WASHC4: variants seen among roughly 807,000 people sequenced by gnomAD.
The protein encoded by WASHC4 is WASH complex subunit 4, also known as WASH complex subunit 7.
In WASHC4, 86 loss-of-function variants were observed where a neutral mutation model predicts 166.6. The observed-to-expected ratio is 0.52, with a 90% CI of 0.43 to 0.62. The LOEUF is 0.62. Among genes scored for constraint, WASHC4 ranks in the 20% least tolerant of loss-of-function variants. The pLI, the probability that WASHC4 is intolerant of heterozygous loss-of-function variation, is 0.00. For missense variants in WASHC4, 1,262 were observed against 1,382.4 expected, an observed-to-expected ratio of 0.91 and a Z score of 1.38; for synonymous variants, 446 against 451.6, an observed-to-expected ratio of 0.99 and a Z score of 0.16.
Position 105,164,243 on chromosome 12 carries a change from G to C in WASHC4, c.3290G>C (p.Ser1097Thr). The C allele has an allele frequency of 6.2e-7, 1 of 1,614,094 alleles. No homozygotes were observed. The highest frequency in any genetic ancestry group is 8.5e-7 in the Non-Finnish European group (1 of 1,179,972). The change falls in exon 31 of 33, where the codon AGT becomes ACT. Residue 1097 changes from serine (S) to threonine (T), a missense_variant. Ser to Thr is a moderately conservative substitution (Grantham distance 58). Coordinates refer to ENST00000332180, the MANE Select transcript of WASHC4 (RefSeq NM_015275.3). ...AAGCAACAGAATGTACAGTCAGCCA[G>C]TCAAGATGAAAAACTCTTACAAACC... The part of the protein sequence containing the change: ...VAKQQNVQSA[S>T]QDEKLLQTMN...
At chr12:105,138,379 T>A (rs1476483181) in intron 15 of WASHC4, among the ~76,000 whole-genome samples, 1 of 151,846 alleles carries the variant, frequency 6.6e-6, no homozygotes, top group Non-Finnish European at 1.5e-5. Flanking sequence ...AAAAAACAGC[T>A]TGTCTACCAT....
At chr12:105,142,053 A>G (rs1182516396) in intron 18 of WASHC4, among the ~76,000 whole-genome samples, 1 of 150,518 alleles carries the variant, frequency 6.6e-6, no homozygotes, top group African/African-American at 2.4e-5. Flanking sequence ...TTTCCAACTT[A>G]GAGTCAGGGA....
intron 22 of WASHC4, among the ~76,000 whole-genome samples, chr12:105,145,946 A>G (rs1883257471): frequency 6.6e-6 from 1 of 152,130 alleles, no homozygotes; most frequent in African/African-American, 2.4e-5. Flanking sequence ...CTGCCTAGCT[A>G]TTTTGCCTCA....
chr12:105,160,014 G>A lies in WASHC4; in HGVS notation c.2926G>A (p.Val976Ile), dbSNP rs375454474. The A allele has an allele frequency of 3.7e-6, 6 of 1,613,864 alleles. No individual in the cohort carries two copies. Residue 976 changes from valine to isoleucine, a missense_variant, in exon 29 of 33, where the codon GTC (valine) becomes ATC (isoleucine). By Grantham distance (29) the Val-to-Ile change is conservative (BLOSUM62 3). Transcript: ENST00000332180. ...TTTGCTTTTTAGGCATTTGGATTCA[G>A]TCCTCAGTGATCACACACGAAATTC... ...TLKAARHLDS[V>I]LSDHTRNSAE...
At chr12:105,126,171 A>G (rs748568943) in intron 11 of WASHC4, 44 bp downstream of exon 11, 2 of 1,612,566 alleles carry the variant, frequency 1.2e-6, no homozygotes, top group Non-Finnish European at 1.7e-6. Context: ...TAAAATTTGC[A>G]TTTCCTTAAA....
intron 19 of WASHC4, among the ~76,000 whole-genome samples, 177 bp downstream of exon 19, chr12:105,142,735 GTTAA>G (rs931123866): frequency 4.8e-4 from 73 of 151,960 alleles, no homozygotes; most frequent in African/African-American, 1.7e-3. Flanking sequence ...TGTTAACGAA[GTTAA>G]TTTATTTAAT....
intron 2 of WASHC4, among the ~76,000 whole-genome samples, chr12:105,113,192 C>A (rs1244695070): frequency 6.6e-6 from 1 of 152,032 alleles, no homozygotes; most frequent in Non-Finnish European, 1.5e-5. Context: ...TAATAAGTTT[C>A]ATATATCTGT....
intron 1 of WASHC4, among the ~76,000 whole-genome samples, chr12:105,109,986 T>C (rs1879508943): frequency 6.6e-6 from 1 of 152,194 alleles, no homozygotes; most frequent in Non-Finnish European, 1.5e-5. Context: ...GACAACTATT[T>C]GGGGTTCTGA....
chr12:105,153,889 A>G (rs1186251352), intron 26 of WASHC4, among the ~76,000 whole-genome samples: 2 of 152,148 alleles, frequency 1.3e-5, no homozygotes, highest in African/African-American at 4.8e-5. Flanking sequence ...TTTGCCCTAA[A>G]TACATAATCA....
In WASHC4 at chr12:105,120,583, G is replaced by A. The variant is rs1880637367; in HGVS notation, c.547G>A (p.Gly183Arg). 2 of 1,602,454 alleles carry A rather than the reference G, an allele frequency of 1.2e-6. No individual in the cohort carries two copies. Among genetic ancestry groups the A allele is most frequent in the South Asian group, 2.2e-5 (2 of 90,824 alleles). The stretch of plus-strand genomic sequence containing the variant: ...TGCACCCAAAATTATAGAGACAACT[G>A]GAGTTCATTTTCAGGTAAAAGACAT... ...KIAPKIIETTGVHFQTMYEHL... is the reference protein window; with the variant it reads ...KIAPKIIETTRVHFQTMYEHL... The change falls in exon 8 of 33, where the codon GGA becomes AGA. Residue 183 changes from glycine (G) to arginine (R), a missense_variant. Transcript: ENST00000332180.
chr12:105,143,299 G>GA (rs1007943100), intron 20 of WASHC4, 56 bp downstream of exon 20: 31 of 1,014,854 alleles, frequency 3.1e-5, no homozygotes, highest in Admixed American at 5.3e-5. Context: ...GTAGTGTTTG[G>GA]AAAAAAAATG....
At chr12:105,144,548 T>G in intron 21 of WASHC4, 93 bp downstream of exon 21, 1 of 1,276,334 alleles carries the variant, frequency 7.8e-7, no homozygotes, top group Non-Finnish European at 1.1e-6. Flanking sequence ...ATATTTAAAT[T>G]TTGTGTTGTT....
intron 21 of WASHC4, 72 bp from the exon 22 acceptor site, chr12:105,144,645 TG>T (rs74395692): frequency 7.3e-7 from 1 of 1,375,836 alleles, no homozygotes; most frequent in Non-Finnish European, 1.0e-6. Flanking sequence ...GACAAGTTGT[TG>T]TTTTTTCCTT....
At chr12:105,124,142 G>A (rs1050121726) in intron 10 of WASHC4, among the ~76,000 whole-genome samples, 5 of 144,678 alleles carry the variant, frequency 3.5e-5, no homozygotes, top group African/African-American at 1.0e-4. Context: ...TTTTCGAGAC[G>A]GACTTTCACT....
chr12:105,111,895 T>G (rs1879711341), intron 2 of WASHC4, among the ~76,000 whole-genome samples: 1 of 152,204 alleles, frequency 6.6e-6, no homozygotes. Context: ...TTTCTTGAGA[T>G]ATAATTCATA....
rs115749113 is a variant in WASHC4 at position 105,129,242 on chromosome 12, G to A, written c.1199+1953G>A. 3.9e-3 allele frequency among the ~76,000 whole-genome samples: 587 copies of A among 152,006 alleles called. 5 individuals carry two copies. The highest frequency in any genetic ancestry group is 0.014 in the African/African-American group (563 of 41,442). ...TACAGGCGTGAGCCACCGCGCCAACGCCTGGCTAATTTTTGTATTTTTAGT... is the reference window on the plus strand; with the variant it reads ...TACAGGCGTGAGCCACCGCGCCAACACCTGGCTAATTTTTGTATTTTTAGT... On this transcript the variant is annotated intron_variant, in intron 13 of 32. Coordinates refer to ENST00000332180, the MANE Select transcript of WASHC4 (RefSeq NM_015275.3).
chr12:105,123,315 A>AG (rs541027017), intron 10 of WASHC4, among the ~76,000 whole-genome samples: 221 of 152,180 alleles, frequency 1.5e-3, no homozygotes, highest in African/African-American at 5.0e-3. Context: ...TCCATCTTTT[A>AG]GGGGGGTGGG....
At position 105,149,614 on chromosome 12, in the gene WASHC4, G is replaced by T; in HGVS notation, c.2515-1G>T. The T allele has an allele frequency of 2.1e-6, 3 of 1,416,784 alleles. No homozygotes were observed. The highest frequency in any genetic ancestry group is 2.4e-5 in the South Asian group (2 of 81,902). The allele number at this position is 1,416,784 out of a possible 1,614,324, so 87.8% of individuals were successfully genotyped here. On this transcript the variant is annotated splice_acceptor_variant, in intron 24 of 32. Transcript: ENST00000332180. LOFTEE classifies it high-confidence loss of function. ...CAACTTTTTGAATTTTAATTTTATA[G>T]GTTAATTTCACCTACCAGTTTTTGA... is the stretch of plus-strand genomic sequence containing the variant.
At chr12:105,154,571 C>G (rs1733033319) in intron 26 of WASHC4, among the ~76,000 whole-genome samples, 1 of 152,186 alleles carries the variant, frequency 6.6e-6, no homozygotes, top group South Asian at 2.1e-4. Flanking sequence ...TATTTCTTCC[C>G]TTCATTCACT....
Sources: gnomAD v4.1 joint callset for allele counts (sites outside exome capture counted in the v4.1 genomes callset) on GRCh38, gnomAD v4.1.1 for gene constraint, MANE v1.5 for transcripts, NCBI Gene and HGNC (gene_info 2026-07-23, HGNC 2026-07-21) for gene names.